Variants in TMEM178B observed in about 807,000 individuals in gnomAD.
TMEM178B encodes transmembrane protein 178B.
TMEM178B carries 5 observed loss-of-function variants against 31.0 expected under a neutral mutation model. The observed-to-expected ratio is 0.16, with a 90% CI of 0.08 to 0.34. The LOEUF is 0.34. Among genes scored for constraint, TMEM178B ranks in the 10% least tolerant of loss-of-function variants. The pLI, the probability that TMEM178B is intolerant of heterozygous loss-of-function variation, is 1.00. For missense variants in TMEM178B, 275 were observed against 400.3 expected (o/e 0.69, Z 2.67); for synonymous variants, 164 against 164.0 (o/e 1.00, Z 0.00).
At chr7:141,122,522 A>G (rs1289591861) in intron 1 of TMEM178B, among the ~76,000 whole-genome samples, 1 of 152,242 alleles carries the variant, frequency 6.6e-6, no homozygotes. Context: ...AACAAATTCC[A>G]TCCTGTCCTA....
chr7:141,131,078 G>A (rs568792356), intron 1 of TMEM178B, among the ~76,000 whole-genome samples: 1 of 152,268 alleles, frequency 6.6e-6, no homozygotes, highest in South Asian at 2.1e-4. Flanking sequence ...CAGTAAATCT[G>A]CTTTTTTACA....
intron 2 of TMEM178B, among the ~76,000 whole-genome samples, chr7:141,229,070 G>T (rs1797393274): frequency 1.5e-5 from 2 of 134,680 alleles, no homozygotes; most frequent in Non-Finnish European, 3.1e-5. Context: ...CATGACTAGG[G>T]ATTTTTTTTG....
intron 2 of TMEM178B, among the ~76,000 whole-genome samples, chr7:141,257,526 T>C (rs1004441921): frequency 1.3e-5 from 2 of 152,176 alleles, no homozygotes; most frequent in African/African-American, 4.8e-5. Context: ...TGAATGACCA[T>C]TGAAGTTTTA....
At chr7:141,347,715 A>C (rs1201093208) in intron 2 of TMEM178B, among the ~76,000 whole-genome samples, 3 of 146,016 alleles carry the variant, frequency 2.1e-5, no homozygotes, top group South Asian at 2.2e-4. Context: ...CATCTCCCCC[A>C]CCCCCCGTCT....
chr7:141,485,943 G>T, the TMEM178B span, among the ~76,000 whole-genome samples: 3 of 152,348 alleles, frequency 2.0e-5, no homozygotes, highest in South Asian at 6.2e-4. Flanking sequence ...CCCTGCTTTA[G>T]CTTGTATGTT....
intron 2 of TMEM178B, among the ~76,000 whole-genome samples, chr7:141,227,103 A>G (rs7811899): frequency 0.4 from 60,634 of 151,926 alleles, 12,397 homozygotes; most frequent in East Asian, 0.68. Flanking sequence ...TGAGAGAGAC[A>G]CCTTAGGGAA....
chr7:141,407,219 A>G (rs1408114123), intron 2 of TMEM178B, among the ~76,000 whole-genome samples: 1 of 152,210 alleles, frequency 6.6e-6, no homozygotes, highest in African/African-American at 2.4e-5. Flanking sequence ...TGAGCTGTTG[A>G]CGCTCTGTGC....
At chr7:141,156,041 G>T (rs935111373) in intron 1 of TMEM178B, among the ~76,000 whole-genome samples, 1 of 152,094 alleles carries the variant, frequency 6.6e-6, no homozygotes, top group Non-Finnish European at 1.5e-5. Flanking sequence ...CTCCAGCCTG[G>T]GCGATAGGGT....
intron 1 of TMEM178B, among the ~76,000 whole-genome samples, chr7:141,151,753 T>A (rs1257463299): frequency 6.6e-6 from 1 of 152,138 alleles, no homozygotes; most frequent in Non-Finnish European, 1.5e-5. Flanking sequence ...GCCAAATAGG[T>A]CTTAACAGGC....
chr7:141,404,077 G>A (rs943410676), intron 2 of TMEM178B, among the ~76,000 whole-genome samples: 2 of 152,210 alleles, frequency 1.3e-5, no homozygotes, highest in African/African-American at 2.4e-5. Context: ...GGGCCGAGAC[G>A]GGCGGATCAC....
At chr7:141,382,540 G>A (rs1385596437) in intron 2 of TMEM178B, among the ~76,000 whole-genome samples, 1 of 152,160 alleles carries the variant, frequency 6.6e-6, no homozygotes, top group Admixed American at 6.5e-5. Context: ...AAGTGAACTT[G>A]TCATTTCATG....
intron 2 of TMEM178B, among the ~76,000 whole-genome samples, chr7:141,279,596 T>C (rs560758531): frequency 1.3e-5 from 2 of 152,344 alleles, no homozygotes; most frequent in South Asian, 2.1e-4. Context: ...GCAAAGTAAC[T>C]GTTCCCTTAG....
At chr7:141,229,986 C>A (rs542831661) in intron 2 of TMEM178B, among the ~76,000 whole-genome samples, 1 of 152,184 alleles carries the variant, frequency 6.6e-6, no homozygotes, top group East Asian at 1.9e-4. Flanking sequence ...TTTTGTATCC[C>A]AAATTTTGTT....
intron 2 of TMEM178B, among the ~76,000 whole-genome samples, chr7:141,423,539 A>G (rs1341445714): frequency 6.6e-6 from 1 of 152,218 alleles, no homozygotes; most frequent in Non-Finnish European, 1.5e-5. Flanking sequence ...GCTTTAGAAT[A>G]TGGAGGAGGA....
chr7:141,284,783 G>A (rs148825244), intron 2 of TMEM178B, among the ~76,000 whole-genome samples: 95 of 152,274 alleles, frequency 6.2e-4, no homozygotes, highest in African/African-American at 2.2e-3. Context: ...GAATCAGACC[G>A]ACCATTGGCC....
intron 1 of TMEM178B, among the ~76,000 whole-genome samples, chr7:141,153,770 T>C (rs765079652): frequency 1.6e-4 from 24 of 152,244 alleles, no homozygotes; most frequent in Non-Finnish European, 3.1e-4. Context: ...TTTTTCATAT[T>C]GATTTGGATG....
intron 1 of TMEM178B, among the ~76,000 whole-genome samples, chr7:141,082,380 T>TG (rs1794700689): frequency 6.6e-6 from 1 of 152,250 alleles, no homozygotes; most frequent in South Asian, 2.1e-4. Context: ...AAAACACACT[T>TG]GGGGTCCTGT....
At chr7:141,229,826 A>G (rs538765048) in intron 2 of TMEM178B, among the ~76,000 whole-genome samples, 2 of 152,250 alleles carry the variant, frequency 1.3e-5, no homozygotes, top group African/African-American at 2.4e-5. Flanking sequence ...GCTGTGATCT[A>G]TAATTCCCCA....
chr7:141,396,313 A>G (rs1800636943), intron 2 of TMEM178B, among the ~76,000 whole-genome samples: 1 of 152,208 alleles, frequency 6.6e-6, no homozygotes, highest in Non-Finnish European at 1.5e-5. Flanking sequence ...CTGTTTCAAC[A>G]TGTTAAAAGA....
Sources: gnomAD v4.1 joint callset for allele counts (sites outside exome capture counted in the v4.1 genomes callset) on GRCh38, gnomAD v4.1.1 for gene constraint, MANE v1.5 for transcripts, NCBI Gene and HGNC (gene_info 2026-07-23, HGNC 2026-07-21) for gene names.